ARHGAP42: variants seen among roughly 807,000 people sequenced by gnomAD.
ARHGAP42 encodes Rho GTPase activating protein 42.
Under a neutral mutation model 125.0 loss-of-function variants are expected in ARHGAP42, and 63 were observed. That is an observed-to-expected ratio of 0.50 (90% CI 0.41 to 0.62). The LOEUF is 0.62. Ranked by LOEUF, ARHGAP42 falls within the 20% of genes least tolerant of loss-of-function variation. The pLI, the probability that ARHGAP42 is intolerant of heterozygous loss-of-function variation, is 0.00. For synonymous variants in ARHGAP42, 339 were observed against 351.0 expected, an observed-to-expected ratio of 0.97 and a Z score of 0.38; for missense variants, 766 against 1,024.2, an observed-to-expected ratio of 0.75 and a Z score of 3.44.
intron 6 of ARHGAP42, among the ~76,000 whole-genome samples, chr11:100,929,479 A>T (rs999069285): frequency 6.6e-6 from 1 of 152,108 alleles, no homozygotes; most frequent in African/African-American, 2.4e-5. Context: ...TGTATGTTTC[A>T]CCATCTGACG....
chr11:100,952,485 G>C (rs1857683933), intron 12 of ARHGAP42, among the ~76,000 whole-genome samples: 1 of 151,952 alleles, frequency 6.6e-6, no homozygotes, highest in Admixed American at 6.6e-5. Context: ...GATTTCAAAA[G>C]GTCTTACTAC....
At chr11:100,702,656 T>C (rs1861416260) in intron 1 of ARHGAP42, among the ~76,000 whole-genome samples, 1 of 148,622 alleles carries the variant, frequency 6.7e-6, no homozygotes, top group African/African-American at 2.5e-5. Flanking sequence ...TCCAGGTGCC[T>C]AGGATATTTG....
chr11:100,992,521 C>T lies in ARHGAP42; in HGVS notation c.*3720C>T. 1 of 1,614,058 alleles carries T rather than the reference C, an allele frequency of 6.2e-7. No individual in the cohort carries two copies. Among genetic ancestry groups the T allele is most frequent in the Admixed American group, 1.7e-5 (1 of 60,022 alleles). ...TAAGAAACAAAGATAGTTTTCTGAA[C>T]ATTCTGTGTCCTGCCTGTCTCCTGT... On this transcript the variant is annotated 3_prime_UTR_variant, in exon 24 of 24. Transcript: ENST00000298815.
chr11:100,747,400 C>G (rs1346372826), intron 1 of ARHGAP42, among the ~76,000 whole-genome samples: 1 of 152,168 alleles, frequency 6.6e-6, no homozygotes, highest in Non-Finnish European at 1.5e-5. Flanking sequence ...ACCTTGTAGA[C>G]ATATTTATCC....
rs756444 is a variant in ARHGAP42, at chr11:100,955,759, C to A, written c.1163-4124C>A. Among the ~76,000 whole-genome samples the A allele has an allele frequency of 1.9e-3, 296 of 152,190 alleles. 3 individuals are homozygous for A. The highest frequency in any genetic ancestry group is 6.4e-3 in the African/African-American group (266 of 41,546). ...ATGGTGCAATTTGATTTAGTAATAA[C>A]CCTTTCCATCGACATTTGAACATGA... On this transcript the variant is annotated intron_variant, in intron 12 of 23. Transcript: ENST00000298815.
At chr11:100,724,033 C>T (rs1489801973) in intron 1 of ARHGAP42, among the ~76,000 whole-genome samples, 2 of 152,028 alleles carry the variant, frequency 1.3e-5, no homozygotes, top group Non-Finnish European at 1.5e-5. Flanking sequence ...GACAATGAAA[C>T]TTGTATATAT....
At chr11:100,796,103 A>G (rs1863704853) in intron 3 of ARHGAP42, among the ~76,000 whole-genome samples, 1 of 151,704 alleles carries the variant, frequency 6.6e-6, no homozygotes, top group Non-Finnish European at 1.5e-5. Context: ...GCATTGAGCA[A>G]GTCTGTTGGC....
intron 1 of ARHGAP42, among the ~76,000 whole-genome samples, chr11:100,736,292 A>T (rs1217779214): frequency 6.6e-6 from 1 of 152,096 alleles, no homozygotes; most frequent in East Asian, 1.9e-4. Context: ...TTTCCACAGT[A>T]GCCTCAGGAT....
At chr11:100,842,923 G>GA (rs966325576) in intron 3 of ARHGAP42, among the ~76,000 whole-genome samples, 8 of 151,428 alleles carry the variant, frequency 5.3e-5, no homozygotes, top group African/African-American at 1.9e-4. Context: ...AGAGAAACAA[G>GA]AAAAAAACCA....
chr11:100,898,121 C>G (rs1409744464), intron 4 of ARHGAP42, among the ~76,000 whole-genome samples: 1 of 152,120 alleles, frequency 6.6e-6, no homozygotes, highest in Non-Finnish European at 1.5e-5. Flanking sequence ...GTGTTTGGTT[C>G]TGTTTATGTG....
chr11:100,958,791 G>A (rs537479605), intron 12 of ARHGAP42, among the ~76,000 whole-genome samples: 5 of 151,988 alleles, frequency 3.3e-5, no homozygotes, highest in Non-Finnish European at 7.4e-5. Context: ...CCTCTTCATA[G>A]TAGTACCTCT....
At chr11:100,976,499 T>C in intron 20 of ARHGAP42, 62 bp downstream of exon 20, 2 of 1,456,332 alleles carry the variant, frequency 1.4e-6, no homozygotes, top group Non-Finnish European at 1.8e-6. Context: ...GCTGGATTAT[T>C]CAGCATGGTT....
At chr11:100,751,457 C>A (rs1253824902) in intron 1 of ARHGAP42, among the ~76,000 whole-genome samples, 1 of 149,892 alleles carries the variant, frequency 6.7e-6, no homozygotes, top group East Asian at 2.0e-4. Flanking sequence ...CTAATTTATA[C>A]TTTTTTATTT....
chr11:100,742,674 T>A (rs895635494), intron 1 of ARHGAP42, among the ~76,000 whole-genome samples: 1 of 152,154 alleles, frequency 6.6e-6, no homozygotes, highest in Admixed American at 6.5e-5. Context: ...TAGTAAGTTG[T>A]CATATAAGGT....
At chr11:100,902,679 G>T (rs142779263) in intron 4 of ARHGAP42, among the ~76,000 whole-genome samples, 190 of 152,122 alleles carry the variant, frequency 1.2e-3, no homozygotes, top group African/African-American at 4.5e-3. Context: ...TGTGCTCAAG[G>T]CCTGGTTCCA....
rs188966874 is a variant in ARHGAP42 at position 100,735,439 on chromosome 11, T to A, written c.155-34904T>A. 3.3e-3 allele frequency among the ~76,000 whole-genome samples: 499 copies of A among 152,162 alleles called. 2 individuals carry two copies. The highest frequency in any genetic ancestry group is 5.4e-3 in the Non-Finnish European group (365 of 68,000). On this transcript the variant is annotated intron_variant, in intron 1 of 23. Coordinates refer to ENST00000298815, the MANE Select transcript of ARHGAP42 (RefSeq NM_152432.4). Reference sequence around the variant, plus strand: ...TTCTGTTTCTTTACATGATTTCTAGTTTTACAGGGGCTTTAAAAAAGAATA... The same window carrying A: ...TTCTGTTTCTTTACATGATTTCTAGATTTACAGGGGCTTTAAAAAAGAATA...
At chr11:100,853,308 A>G (rs1035612044) in intron 3 of ARHGAP42, among the ~76,000 whole-genome samples, 4 of 152,182 alleles carry the variant, frequency 2.6e-5, no homozygotes, top group African/African-American at 9.6e-5. Context: ...AAAGGGTTAT[A>G]AATGAAAAAG....
At chr11:100,909,024 T>C (rs996662497) in intron 4 of ARHGAP42, among the ~76,000 whole-genome samples, 1 of 152,212 alleles carries the variant, frequency 6.6e-6, no homozygotes, top group African/African-American at 2.4e-5. Context: ...GCTGCTTGTG[T>C]GTCTTCTCTT....
At chr11:100,874,338 T>A (rs1025532869) in intron 4 of ARHGAP42, among the ~76,000 whole-genome samples, 3 of 152,216 alleles carry the variant, frequency 2.0e-5, no homozygotes, top group African/African-American at 7.2e-5. Context: ...CCAGGACTGC[T>A]ACACTGGTAA....
Sources: allele counts gnomAD v4.1 joint callset (sites outside exome capture counted in the v4.1 genomes callset), GRCh38; gene constraint gnomAD v4.1.1; transcripts MANE v1.5; gene names NCBI Gene and HGNC (gene_info 2026-07-23, HGNC 2026-07-21).